Variants in ARHGEF10 observed in about 807,000 individuals in gnomAD.
The protein encoded by ARHGEF10 is Rho guanine nucleotide exchange factor (GEF) 10.
A neutral mutation model predicts 147.4 loss-of-function variants in ARHGEF10; 140 were observed. That is an observed-to-expected ratio of 0.95 (90% CI 0.83 to 1.09). The LOEUF (loss-of-function observed/expected upper bound fraction) is 1.09. Ranked by LOEUF, ARHGEF10 falls within the 50% of genes least tolerant of loss-of-function variation. ARHGEF10 has a pLI of 0.00. For missense variants in ARHGEF10, 2,222 were observed against 1,752.7 expected (o/e 1.27, Z -4.78); for synonymous variants, 902 against 695.8 (o/e 1.30, Z -4.67).
At chr8:1,836,405 C>G (rs1202048995) in intron 1 of ARHGEF10, among the ~76,000 whole-genome samples, 1 of 152,106 alleles carries the variant, frequency 6.6e-6, no homozygotes, top group Non-Finnish European at 1.5e-5. Context: ...AGAGTGAGCC[C>G]CAGCCCAGCC....
chr8:1,930,683 G>C (rs1442456934), intron 25 of ARHGEF10, among the ~76,000 whole-genome samples: 1 of 152,174 alleles, frequency 6.6e-6, no homozygotes, highest in East Asian at 1.9e-4. Flanking sequence ...AGAGCCTGGG[G>C]TGTTATTTGC....
At position 1,894,455 on chromosome 8, in the gene ARHGEF10, G is replaced by A. The variant is rs780728604; in HGVS notation, c.1323G>A (p.Thr441=). The change falls in exon 13 of 29, where the codon ACG becomes ACA. Residue 441 remains threonine, a synonymous_variant. Coordinates refer to ENST00000349830, the MANE Select transcript of ARHGEF10 (RefSeq NM_014629.4). Reference sequence around the variant, plus strand: ...TTCTGAGTGAGAGGAAGCTGAAGACGGTGTTCTACCGAGTCAAAGAGATCC... The same window carrying A: ...TTCTGAGTGAGAGGAAGCTGAAGACAGTGTTCTACCGAGTCAAAGAGATCC... ...PKVLSERKLK[T]VFYRVKEILQ... is the part of the protein sequence containing the mutation. 13 of 1,614,220 alleles carry A rather than the reference G, an allele frequency of 8.1e-6. No homozygotes were observed. The highest frequency in any genetic ancestry group is 3.3e-5 in the Admixed American group (2 of 60,026).
intron 18 of ARHGEF10, among the ~76,000 whole-genome samples, chr8:1,911,510 G>C (rs1281975427): frequency 6.6e-6 from 1 of 152,194 alleles, no homozygotes; most frequent in African/African-American, 2.4e-5. Context: ...TAGAACTCAA[G>C]TCAGAATTCT....
intron 26 of ARHGEF10, among the ~76,000 whole-genome samples, chr8:1,942,955 A>G (rs967078872): frequency 2.0e-5 from 3 of 152,186 alleles, no homozygotes; most frequent in Non-Finnish European, 4.4e-5. Flanking sequence ...GGGTGATAAA[A>G]TGTTCTGGAA....
intron 26 of ARHGEF10, among the ~76,000 whole-genome samples, chr8:1,938,308 GCGTTGC>G (rs1813788185): frequency 6.6e-6 from 1 of 152,194 alleles, no homozygotes; most frequent in Non-Finnish European, 1.5e-5. Context: ...TTTCTGGGGG[GCGTTGC>G]CTGGACAGGT....
intron 6 of ARHGEF10, among the ~76,000 whole-genome samples, chr8:1,866,839 C>T (rs1003189201): frequency 5.9e-5 from 9 of 152,206 alleles, no homozygotes; most frequent in Non-Finnish European, 1.2e-4. Context: ...TCTTCCTGGT[C>T]GTTTCTTTCT....
intron 18 of ARHGEF10, among the ~76,000 whole-genome samples, chr8:1,922,571 T>C (rs1036892953): frequency 1.3e-5 from 2 of 151,990 alleles, no homozygotes; most frequent in Non-Finnish European, 2.9e-5. Flanking sequence ...GCAGTGCGAG[T>C]CCCTGGGCTG....
intron 1 of ARHGEF10, chr8:1,826,051 T>C: frequency 6.6e-7 from 1 of 1,523,552 alleles, no homozygotes; most frequent in East Asian, 2.3e-5. Flanking sequence ...TCACAGCATT[T>C]ATTTGCTGGC....
chr8:1,905,136 A>T (rs1240528356), intron 16 of ARHGEF10, among the ~76,000 whole-genome samples: 2 of 152,154 alleles, frequency 1.3e-5, no homozygotes, highest in South Asian at 4.1e-4. Context: ...CTCAGAACAA[A>T]CAAACAAAAA....
rs911417425 is a variant in ARHGEF10 at position 1,937,369 on chromosome 8, G to T, written c.3222+3427G>T. Among the ~76,000 whole-genome samples, 1 of 152,162 alleles carries T rather than the reference G, an allele frequency of 6.6e-6. No individual in the cohort carries two copies. The highest frequency in any genetic ancestry group is 2.4e-5 in the African/African-American group (1 of 41,434). On this transcript the variant is annotated intron_variant, in intron 26 of 28. Transcript: ENST00000349830. The surrounding 1 kb of genome is among the most constrained non-coding windows in gnomAD (Gnocchi z 4.9). ...ATCCTAGTAATTGCGTATTTACAGA[G>T]GGAGCTCAGCCATATAGTATACGGT...
intron 18 of ARHGEF10, among the ~76,000 whole-genome samples, chr8:1,921,795 A>G (rs1434981701): frequency 6.6e-6 from 1 of 152,092 alleles, no homozygotes; most frequent in Non-Finnish European, 1.5e-5. Flanking sequence ...GCCTGAGACC[A>G]AGTTCTGGGC....
At chr8:1,876,826 T>C (rs1198202483) in intron 8 of ARHGEF10, 92 bp downstream of exon 8, 4 of 1,402,746 alleles carry the variant, frequency 2.9e-6, no homozygotes, top group African/African-American at 1.4e-5. Flanking sequence ...TAGTACTTCA[T>C]AGTGATTTGT....
At chr8:1,945,713 G>T (rs1563325275) in intron 27 of ARHGEF10, 58 bp downstream of exon 27, 17 of 1,606,594 alleles carry the variant, frequency 1.1e-5, no homozygotes, top group East Asian at 2.2e-5. Context: ...GACGTGGGGG[G>T]TGCGGAGCGC....
At chr8:1,928,371 A>G (rs1812843244) in intron 23 of ARHGEF10, 56 bp from the exon 24 acceptor site, 1 of 1,549,916 alleles carries the variant, frequency 6.5e-7, no homozygotes, top group African/African-American at 1.4e-5. Flanking sequence ...GTTCCAGCGT[A>G]TTATGGAAGC....
chr8:1,866,595 G>T lies in ARHGEF10; in HGVS notation c.615G>T (p.Trp205Cys). 6.2e-7 allele frequency: 1 copy of T among 1,605,350 alleles called. No homozygotes were observed. Among genetic ancestry groups the T allele is most frequent in the Non-Finnish European group, 8.5e-7 (1 of 1,179,976 alleles). ...CCGCAGACCCGGCCAACACAGCCTG[G>T]ATGGAGAGTAAGTTCCCCAGCTGCC... Reference protein sequence around the residue: ...RWAADPANTAWMENPEEAIYD... With the variant: ...RWAADPANTACMENPEEAIYD... The change falls in exon 6 of 29, where the codon TGG becomes TGT. Residue 205 changes from tryptophan (W) to cysteine (C), a missense_variant. Transcript: ENST00000349830.
intron 2 of ARHGEF10, among the ~76,000 whole-genome samples, chr8:1,853,465 GC>G (rs1395703884): frequency 6.6e-6 from 1 of 152,256 alleles, no homozygotes; most frequent in Non-Finnish European, 1.5e-5. Flanking sequence ...GCTTTCAGCA[GC>G]CCTTGAGCAT....
In ARHGEF10 at chr8:1,926,310, C is replaced by T. The variant is rs576124557; in HGVS notation, c.2611-67C>T. On this transcript the variant is annotated intron_variant, in intron 22 of 28. Coordinates refer to ENST00000349830, the MANE Select transcript of ARHGEF10 (RefSeq NM_014629.4). ...TTGGAAGTAAGTCATCCATTTAAGA[C>T]GTTATGTAGTCTAGGAGCCTCTTAG... 3.7e-5 allele frequency: 48 copies of T among 1,280,656 alleles called. No individual in the cohort carries two copies. In the East Asian group the frequency reaches 3.9e-4, roughly 10 times the overall value. 79.3% of individuals were successfully genotyped at this position (1,280,656 alleles called of 1,614,324 possible).
At chr8:1,848,503 G>T (rs1804727290) in intron 2 of ARHGEF10, among the ~76,000 whole-genome samples, 1 of 152,156 alleles carries the variant, frequency 6.6e-6, no homozygotes, top group African/African-American at 2.4e-5. Context: ...CGCAGCGATG[G>T]GTGTGTCGTG....
At chr8:1,832,615 CAG>C (rs1157591911) in intron 1 of ARHGEF10, among the ~76,000 whole-genome samples, 2 of 97,676 alleles carry the variant, frequency 2.0e-5, no homozygotes, top group South Asian at 3.7e-4. Context: ...GAGGCAGAGA[CAG>C]AGGCAGAGAG....
Sources: allele counts gnomAD v4.1 joint callset (sites outside exome capture counted in the v4.1 genomes callset), GRCh38; gene constraint gnomAD v4.1.1; non-coding constraint Gnocchi (gnomAD v3.1); transcripts MANE v1.5; gene names NCBI Gene and HGNC (gene_info 2026-07-23, HGNC 2026-07-21).